The following SLC25A26 variants were observed in gnomAD, a reference collection of about 807,000 sequenced individuals.
SLC25A26 encodes mitochondrial S-adenosylmethionine carrier protein.
In SLC25A26, 36 loss-of-function variants were observed where a neutral mutation model predicts 37.8. The observed-to-expected ratio is 0.95, with a 90% confidence interval of 0.73 to 1.26. SLC25A26 has a LOEUF of 1.26. SLC25A26 is among the 50% of genes most tolerant of loss of function. The probability of loss-of-function intolerance (pLI) is 0.00; values close to 1 mark genes in which losing one functional copy is unlikely to be tolerated. For synonymous variants in SLC25A26, 129 were observed against 122.5 expected (o/e 1.05, Z -0.35); for missense variants, 390 against 331.1 (o/e 1.18, Z -1.38).
chr3:66,277,553 G>T (rs1401398686), intron 5 of SLC25A26, among the ~76,000 whole-genome samples: 2 of 151,990 alleles, frequency 1.3e-5, no homozygotes, highest in African/African-American at 4.8e-5. Flanking sequence ...TAATTTGATT[G>T]TGGTAATCAT....
chr3:66,321,395 C>T (rs112522074), intron 5 of SLC25A26, among the ~76,000 whole-genome samples: 2 of 152,336 alleles, frequency 1.3e-5, no homozygotes, highest in African/African-American at 4.8e-5. Flanking sequence ...CCCCCTGCCC[C>T]AGTCACCTCC....
chr3:66,354,168 T>C (rs2076522929), intron 6 of SLC25A26, among the ~76,000 whole-genome samples: 2 of 152,170 alleles, frequency 1.3e-5, no homozygotes, highest in African/African-American at 4.8e-5. Flanking sequence ...TTTTTTTTTT[T>C]TTCTATTTTC....
chr3:66,339,105 A>G (rs1180724919), intron 5 of SLC25A26, among the ~76,000 whole-genome samples: 1 of 151,992 alleles, frequency 6.6e-6, no homozygotes, highest in African/African-American at 2.4e-5. Flanking sequence ...CTGGATCATA[A>G]GGTCATTCTG....
intron 1 of SLC25A26, among the ~76,000 whole-genome samples, chr3:66,226,154 T>A (rs185313332): frequency 6.6e-6 from 1 of 152,148 alleles, no homozygotes; most frequent in South Asian, 2.1e-4. Context: ...ACTGGGTAAT[T>A]TATAAAGGGA....
chr3:66,177,691 A>G (rs2070612988), intron 1 of SLC25A26, among the ~76,000 whole-genome samples: 2 of 152,212 alleles, frequency 1.3e-5, no homozygotes, highest in Admixed American at 6.5e-5. Context: ...GTATGAAACC[A>G]CCTTAGGTTG....
intron 5 of SLC25A26, among the ~76,000 whole-genome samples, chr3:66,323,095 G>A (rs2075740390): frequency 6.6e-6 from 1 of 150,644 alleles, no homozygotes; most frequent in Admixed American, 6.6e-5. Flanking sequence ...TTAGAAATAG[G>A]CATTGTGGAG....
intron 1 of SLC25A26, among the ~76,000 whole-genome samples, chr3:66,145,599 A>G (rs942898469): frequency 6.6e-6 from 1 of 152,202 alleles, no homozygotes; most frequent in Non-Finnish European, 1.5e-5. Flanking sequence ...TTTTTTTTAA[A>G]TACTAATCAG....
At chr3:66,229,343 T>A (rs982620328) in intron 1 of SLC25A26, among the ~76,000 whole-genome samples, 1 of 152,228 alleles carries the variant, frequency 6.6e-6, no homozygotes, top group Non-Finnish European at 1.5e-5. Context: ...AAGACTGATA[T>A]GGTTTGGCTG....
intron 3 of SLC25A26, among the ~76,000 whole-genome samples, chr3:66,252,265 T>C (rs782253661): frequency 6.6e-6 from 1 of 152,242 alleles, no homozygotes; most frequent in Non-Finnish European, 1.5e-5. Flanking sequence ...TGGTTTGTGA[T>C]TGTGTGCTTT....
intron 1 of SLC25A26, among the ~76,000 whole-genome samples, chr3:66,152,358 A>G (rs2070220450): frequency 6.6e-6 from 1 of 152,202 alleles, no homozygotes; most frequent in African/African-American, 2.4e-5. Context: ...TTTGGTTGCA[A>G]GTAAGGGAAA....
At chr3:66,181,839 G>T (rs552036691) in intron 1 of SLC25A26, among the ~76,000 whole-genome samples, 1 of 136,712 alleles carries the variant, frequency 7.3e-6, no homozygotes, top group Admixed American at 8.0e-5. Flanking sequence ...CACATTCCAG[G>T]CATTTCCTCT....
chr3:66,322,843 T>C (rs563002653), intron 5 of SLC25A26, among the ~76,000 whole-genome samples: 9 of 152,366 alleles, frequency 5.9e-5, no homozygotes, highest in Admixed American at 5.9e-4. Context: ...AGATCATTGA[T>C]ATAAAGAATT....
chr3:66,310,162 G>A (rs868275805), intron 5 of SLC25A26, among the ~76,000 whole-genome samples: 1 of 152,304 alleles, frequency 6.6e-6, no homozygotes, highest in African/African-American at 2.4e-5. Flanking sequence ...CTAAGAACTT[G>A]CTTTATGAAT....
intron 1 of SLC25A26, among the ~76,000 whole-genome samples, chr3:66,180,864 A>G (rs2070690507): frequency 6.6e-6 from 1 of 152,192 alleles, no homozygotes; most frequent in South Asian, 2.1e-4. Context: ...AGACAGGGCC[A>G]TAAGGATGTA....
chr3:66,163,172 T>G (rs2070383124), intron 1 of SLC25A26, among the ~76,000 whole-genome samples: 1 of 152,222 alleles, frequency 6.6e-6, no homozygotes, highest in Non-Finnish European at 1.5e-5. Flanking sequence ...ACTGCCATAA[T>G]TACAGCCATG....
In SLC25A26 at chr3:66,297,228, T is replaced by C. The variant is rs1056651853; in HGVS notation, c.453+33849T>C. On this transcript the variant is annotated intron_variant, in intron 5 of 9. Coordinates refer to ENST00000354883, the MANE Select transcript of SLC25A26 (RefSeq NM_001379210.1). ...CTGTAATCCCAGCTATTCGGGAGGC[T>C]GAGGCAGGAGAATTGCTTGAATCCG... is the stretch of plus-strand genomic sequence containing the variant. Among the ~76,000 whole-genome samples the C allele has an allele frequency of 2.0e-5, 3 of 150,384 alleles. No individual in the cohort carries two copies. The South Asian group carries it at 6.3e-4, about 31-fold the overall frequency.
At chr3:66,335,664 G>C (rs976120550) in intron 5 of SLC25A26, among the ~76,000 whole-genome samples, 1 of 152,034 alleles carries the variant, frequency 6.6e-6, no homozygotes, top group African/African-American at 2.4e-5. Context: ...CGAGTGTCCT[G>C]TTAGGTGAGA....
chr3:66,340,265 CAG>C (rs2076179593), intron 5 of SLC25A26, among the ~76,000 whole-genome samples: 1 of 152,028 alleles, frequency 6.6e-6, no homozygotes, highest in South Asian at 2.1e-4. Context: ...CTTTTGAAAT[CAG>C]AAAGTATGAG....
intron 1 of SLC25A26, among the ~76,000 whole-genome samples, chr3:66,223,875 A>T (rs2071613532): frequency 6.6e-6 from 1 of 152,206 alleles, no homozygotes; most frequent in African/African-American, 2.4e-5. Context: ...TACTTTTAGG[A>T]AAGCAACTGG....
Sources: gnomAD v4.1 joint callset for allele counts (sites outside exome capture counted in the v4.1 genomes callset) on GRCh38, gnomAD v4.1.1 for gene constraint, MANE v1.5 for transcripts, NCBI Gene and HGNC (gene_info 2026-07-23, HGNC 2026-07-21) for gene names.